IFT140: variants seen among roughly 807,000 people sequenced by gnomAD.
The protein encoded by IFT140 is intraflagellar transport protein 140 homolog.
A neutral mutation model predicts 164.6 loss-of-function variants in IFT140; 133 were observed. The observed-to-expected ratio is 0.81, with a 90% CI of 0.70 to 0.93. IFT140 has a LOEUF of 0.93. Ranked by LOEUF, IFT140 falls within the 40% of genes least tolerant of loss-of-function variation. The pLI, the probability that IFT140 is intolerant of heterozygous loss-of-function variation, is 0.00. For synonymous variants in IFT140, 860 were observed against 817.3 expected, an observed-to-expected ratio of 1.05 and a Z score of -0.89; for missense variants, 2,045 against 1,972.3, an observed-to-expected ratio of 1.04 and a Z score of -0.70.
chr16:1,592,118 C>A, intron 6 of IFT140, 58 bp downstream of exon 6: 1 of 1,583,914 alleles, frequency 6.3e-7, no homozygotes, highest in South Asian at 1.1e-5. Flanking sequence ...GTTTAAAATC[C>A]CTACCAGACA....
chr16:1,536,768 C>T (rs147421224), intron 19 of IFT140, among the ~76,000 whole-genome samples: 7 of 152,296 alleles, frequency 4.6e-5, no homozygotes, highest in African/African-American at 1.2e-4. Context: ...CCTTCACCGA[C>T]GTCCATCTGC....
intron 19 of IFT140, chr16:1,554,742 C>T: frequency 6.2e-7 from 1 of 1,607,022 alleles, no homozygotes. Context: ...AACCCGCCTT[C>T]CTCTCAGACA....
intron 19 of IFT140, chr16:1,541,599 G>C (rs1326661694): frequency 6.0e-6 from 4 of 662,104 alleles, no homozygotes; most frequent in Non-Finnish European, 7.5e-6. Context: ...GCGCCTTCAA[G>C]GGTCAAGTCA....
In IFT140 at chr16:1,553,441, AACAG is replaced by A. The variant is rs1186172027; in HGVS notation, c.2399+4490_2399+4493del. The stretch of plus-strand genomic sequence containing the variant: ...GGTTGGGAGTGGAGAGACCGGCATG[AACAG>A]ACGCACAGGTGTCAACATGCAGGCC... On this transcript the variant is annotated intron_variant, in intron 19 of 30. Coordinates refer to ENST00000426508, the MANE Select transcript of IFT140 (RefSeq NM_014714.4). This position sits in a 1 kb window ranked among gnomAD's most constrained non-coding sequence, Gnocchi z 4.4. 14 of 985,262 alleles carry A rather than the reference AACAG, an allele frequency of 1.4e-5. No individual in the cohort carries two copies. The highest frequency in any genetic ancestry group is 1.7e-5 in the Non-Finnish European group (14 of 829,916). 61.0% of individuals were successfully genotyped at this position (985,262 alleles called of 1,614,324 possible).
chr16:1,518,170 G>C, intron 30 of IFT140, 46 bp downstream of exon 30: 1 of 1,595,210 alleles, frequency 6.3e-7, no homozygotes, highest in Non-Finnish European at 8.5e-7. Flanking sequence ...CGTTTCAGGA[G>C]CCTTGTGTGG....
intron 2 of IFT140, 48 bp downstream of exon 2, chr16:1,610,616 T>C (rs1401773201): frequency 1.3e-5 from 2 of 152,314 alleles, no homozygotes; most frequent in Non-Finnish European, 2.9e-5. Context: ...AACCCCGGCC[T>C]GGCTCCTAAG....
At chr16:1,592,400 G>A in intron 5 of IFT140, 67 bp downstream of exon 5, 4 of 1,610,736 alleles carry the variant, frequency 2.5e-6, no homozygotes, top group Non-Finnish European at 2.5e-6. Flanking sequence ...TGGGTCAGGA[G>A]CAGCCCGCTT....
chr16:1,554,851 G>C (rs1464992255), intron 19 of IFT140: 1 of 1,614,208 alleles, frequency 6.2e-7, no homozygotes, highest in South Asian at 1.1e-5. Flanking sequence ...TCCTGGTCCT[G>C]CTACCTGAAC....
chr16:1,587,672 T>C (rs1710767874), intron 8 of IFT140, among the ~76,000 whole-genome samples: 1 of 151,776 alleles, frequency 6.6e-6, no homozygotes, highest in Admixed American at 6.6e-5. Flanking sequence ...GGCAAAGAGA[T>C]TCCACGGGCA....
chr16:1,603,256 C>T (rs1567429884), intron 3 of IFT140, among the ~76,000 whole-genome samples: 1 of 152,096 alleles, frequency 6.6e-6, no homozygotes, highest in African/African-American at 2.4e-5. Flanking sequence ...CAAAAACCAC[C>T]AGCGAGCCAG....
At chr16:1,557,795 G>T in intron 19 of IFT140, 140 bp downstream of exon 19, 1 of 833,436 alleles carries the variant, frequency 1.2e-6, no homozygotes. Context: ...TTCATCGAGT[G>T]GGAAGACCAT....
chr16:1,541,853 C>A, intron 19 of IFT140: 1 of 1,479,562 alleles, frequency 6.8e-7, no homozygotes, highest in Non-Finnish European at 9.0e-7. Context: ...ACGAAAGTGG[C>A]GTGACGGCTG....
chr16:1,567,972 G>A (rs912443460), intron 15 of IFT140, among the ~76,000 whole-genome samples: 3 of 152,228 alleles, frequency 2.0e-5, no homozygotes, highest in Non-Finnish European at 4.4e-5. Flanking sequence ...CTTGGAGAAA[G>A]GCAGGGGACA....
chr16:1,513,848 T>C (rs961075390), intron 30 of IFT140, among the ~76,000 whole-genome samples: 5 of 146,264 alleles, frequency 3.4e-5, no homozygotes, highest in Admixed American at 1.3e-4. Flanking sequence ...TAATTTTTTG[T>C]ATTTTTAGTA....
chr16:1,555,560 G>T, intron 19 of IFT140: 1 of 157,758 alleles, frequency 6.3e-6, no homozygotes, highest in Non-Finnish European at 1.4e-5. Flanking sequence ...ATAAATGCAA[G>T]CCTCTGAACT....
At chr16:1,601,552 T>C (rs995269644) in intron 4 of IFT140, among the ~76,000 whole-genome samples, 2 of 152,204 alleles carry the variant, frequency 1.3e-5, no homozygotes, top group Admixed American at 1.3e-4. Flanking sequence ...AATACCCACG[T>C]AGCTGGAGGG....
intron 27 of IFT140, 113 bp from the exon 28 acceptor site, chr16:1,520,456 A>C: frequency 1.5e-6 from 2 of 1,346,038 alleles, no homozygotes; most frequent in Non-Finnish European, 2.1e-6. Context: ...CCCGGTAGAG[A>C]GAGATCTTAG....
chr16:1,605,684 G>A (rs911846212), intron 3 of IFT140, among the ~76,000 whole-genome samples: 8 of 152,138 alleles, frequency 5.3e-5, no homozygotes, highest in Non-Finnish European at 1.2e-4. Context: ...GATTACAGGC[G>A]TGAGCCACCG....
intron 8 of IFT140, 48 bp downstream of exon 8, chr16:1,587,885 T>A (rs1160462195): frequency 6.9e-7 from 1 of 1,443,554 alleles, no homozygotes; most frequent in Non-Finnish European, 9.6e-7. Context: ...GAGGAGCCTG[T>A]TCCTCAGGGA....
Sources: allele counts gnomAD v4.1 joint callset (sites outside exome capture counted in the v4.1 genomes callset), GRCh38; gene constraint gnomAD v4.1.1; non-coding constraint Gnocchi (gnomAD v3.1); transcripts MANE v1.5; gene names NCBI Gene and HGNC (gene_info 2026-07-23, HGNC 2026-07-21).